RAB3GAP1: variants seen among roughly 807,000 people sequenced by gnomAD.
RAB3GAP1 encodes the protein rab3 GTPase-activating protein catalytic subunit.
RAB3GAP1 carries 86 observed loss-of-function variants against 130.7 expected under a neutral mutation model. That is an observed-to-expected ratio of 0.66 (90% CI 0.55 to 0.79). The LOEUF (loss-of-function observed/expected upper bound fraction) is 0.79. Ranked by LOEUF, RAB3GAP1 falls within the 30% of genes least tolerant of loss-of-function variation. The pLI, the probability that RAB3GAP1 is intolerant of heterozygous loss-of-function variation, is 0.00. For synonymous variants in RAB3GAP1, 367 were observed against 401.7 expected (o/e 0.91, Z 1.03); for missense variants, 1,029 against 1,169.4 (o/e 0.88, Z 1.75).
intron 7 of RAB3GAP1, 133 bp downstream of exon 7, chr2:135,115,514 G>T: frequency 1.1e-6 from 1 of 872,776 alleles, no homozygotes; most frequent in Non-Finnish European, 1.7e-6. Context: ...AGCTATAAGT[G>T]ACTACATAAA....
intron 7 of RAB3GAP1, 109 bp downstream of exon 7, chr2:135,115,490 A>G: frequency 1.8e-6 from 2 of 1,116,446 alleles, no homozygotes; most frequent in Non-Finnish European, 2.5e-6. Context: ...TGATAATGTA[A>G]TTGCTTAGAA....
chr2:135,068,957 A>G (rs1689395878), intron 3 of RAB3GAP1, among the ~76,000 whole-genome samples: 1 of 152,190 alleles, frequency 6.6e-6, no homozygotes, highest in African/African-American at 2.4e-5. Context: ...TGAATGCAAC[A>G]AAAAAGATTT....
intron 17 of RAB3GAP1, among the ~76,000 whole-genome samples, chr2:135,146,498 C>T (rs1166775519): frequency 6.6e-6 from 1 of 152,004 alleles, no homozygotes; most frequent in Non-Finnish European, 1.5e-5. Flanking sequence ...AGGCTTGAGC[C>T]ACCGCCCCTG....
intron 3 of RAB3GAP1, among the ~76,000 whole-genome samples, chr2:135,083,767 G>GTTTTTTTTTT (rs34087354): frequency 1.0e-5 from 1 of 98,262 alleles, no homozygotes; most frequent in Non-Finnish European, 1.9e-5. Flanking sequence ...ACCCAACACG[G>GTTTTTTTTTT]TTTTTTTTTT....
intron 19 of RAB3GAP1, among the ~76,000 whole-genome samples, chr2:135,157,136 C>T (rs868123985): frequency 7.9e-5 from 12 of 152,134 alleles, no homozygotes; most frequent in African/African-American, 2.9e-4. Context: ...GGCCCAGTTT[C>T]CCTAGTAGCT....
chr2:135,109,716 G>A (rs1227410781), intron 5 of RAB3GAP1, among the ~76,000 whole-genome samples: 1 of 151,868 alleles, frequency 6.6e-6, no homozygotes, highest in Non-Finnish European at 1.5e-5. Context: ...TGAGTAGCTG[G>A]GACTACAGGC....
intron 19 of RAB3GAP1, among the ~76,000 whole-genome samples, chr2:135,161,440 T>C (rs1383056831): frequency 6.6e-6 from 1 of 151,994 alleles, no homozygotes; most frequent in Non-Finnish European, 1.5e-5. Flanking sequence ...TCCATTAATA[T>C]AAAGGTTAAA....
intron 5 of RAB3GAP1, among the ~76,000 whole-genome samples, chr2:135,094,689 T>G (rs1690241712): frequency 6.6e-6 from 1 of 152,200 alleles, no homozygotes; most frequent in Non-Finnish European, 1.5e-5. Flanking sequence ...AACCCATGTT[T>G]ACACACTTAA....
chr2:135,112,874 G>T (rs1310838471), intron 5 of RAB3GAP1, among the ~76,000 whole-genome samples: 1 of 148,156 alleles, frequency 6.7e-6, no homozygotes. Context: ...ACACAGATGG[G>T]CACGCAAATA....
chr2:135,168,281 T>TA (rs372420014), intron 23 of RAB3GAP1, among the ~76,000 whole-genome samples: 32 of 152,260 alleles, frequency 2.1e-4, no homozygotes, highest in African/African-American at 6.3e-4. Flanking sequence ...GATGTGTAAA[T>TA]ATGGCCTTCT....
At chr2:135,160,403 G>A (rs1323605925) in intron 19 of RAB3GAP1, among the ~76,000 whole-genome samples, 1 of 152,068 alleles carries the variant, frequency 6.6e-6, no homozygotes, top group African/African-American at 2.4e-5. Flanking sequence ...CGGGCGCGGT[G>A]GCTCATGCCT....
At chr2:135,151,693 T>C (rs1247685234) in intron 18 of RAB3GAP1, among the ~76,000 whole-genome samples, 3 of 152,324 alleles carry the variant, frequency 2.0e-5, no homozygotes, top group Non-Finnish European at 2.9e-5. Context: ...GAGAAGCCAG[T>C]TGGCTCTTGG....
chr2:135,117,540 T>G (rs934463964), intron 7 of RAB3GAP1, among the ~76,000 whole-genome samples: 1 of 52,614 alleles, frequency 1.9e-5, no homozygotes, highest in African/African-American at 4.9e-5. Context: ...TGCTTCTTCT[T>G]CTGCTTCTTC....
chr2:135,077,972 A>G (rs533801102), intron 3 of RAB3GAP1, among the ~76,000 whole-genome samples: 34 of 152,276 alleles, frequency 2.2e-4, no homozygotes, highest in African/African-American at 8.2e-4. Context: ...ATGACTTACA[A>G]ATATTTTCTC....
intron 7 of RAB3GAP1, among the ~76,000 whole-genome samples, chr2:135,117,430 C>T (rs983463877): frequency 6.7e-6 from 1 of 148,886 alleles, no homozygotes; most frequent in Non-Finnish European, 1.5e-5. Context: ...TCTTCTTCTT[C>T]TTCTTCTTCT....
At chr2:135,138,900 G>C (rs1402031845) in intron 17 of RAB3GAP1, among the ~76,000 whole-genome samples, 1 of 152,098 alleles carries the variant, frequency 6.6e-6, no homozygotes, top group African/African-American at 2.4e-5. Flanking sequence ...ATAGGCATGA[G>C]CCACTGTGCC....
chr2:135,067,181 G>A (rs537115908), intron 3 of RAB3GAP1, among the ~76,000 whole-genome samples: 2 of 152,196 alleles, frequency 1.3e-5, no homozygotes, highest in Admixed American at 6.5e-5. Flanking sequence ...AGAACATTTA[G>A]TTTTTTTATG....
At position 135,143,818 on chromosome 2, in the gene RAB3GAP1, GGATTACAGGCGT is replaced by G. The variant is rs533455737; in HGVS notation, c.1924-6548_1924-6537del. ...CCCGCCTCGGCCTCCCAAAGTGCTG[GGATTACAGGCGT>G]GAGCCACTGTGTCCGGCCCTAACAT... On this transcript the variant is annotated intron_variant, in intron 17 of 23. Transcript: ENST00000264158. Among the ~76,000 whole-genome samples, 453 of 152,240 alleles carry G rather than the reference GGATTACAGGCGT, an allele frequency of 3.0e-3. 2 individuals carry two copies. The highest frequency in any genetic ancestry group is 0.01 in the African/African-American group (422 of 41,540).
rs777379661 is a variant in RAB3GAP1 at position 135,135,332 on chromosome 2, C to T, written c.1554+13C>T. 16 of 1,587,934 alleles carry T rather than the reference C, an allele frequency of 1.0e-5. No homozygotes were observed. The highest frequency in any genetic ancestry group is 1.4e-5 in the Non-Finnish European group (16 of 1,156,608). On this transcript the variant is annotated intron_variant, in intron 16 of 23. Coordinates refer to ENST00000264158, the MANE Select transcript of RAB3GAP1 (RefSeq NM_012233.3). ...TCAGAAACTACAGGTAAAGATTTCTCAATGACATGGATAAATGTGGTCTTG... is the reference window on the plus strand; with the variant it reads ...TCAGAAACTACAGGTAAAGATTTCTTAATGACATGGATAAATGTGGTCTTG...
Sources: allele counts gnomAD v4.1 joint callset (sites outside exome capture counted in the v4.1 genomes callset), GRCh38; gene constraint gnomAD v4.1.1; transcripts MANE v1.5; gene names NCBI Gene and HGNC (gene_info 2026-07-23, HGNC 2026-07-21).